PTPRN2: variants seen among roughly 807,000 people sequenced by gnomAD.
The protein encoded by PTPRN2 is protein tyrosine phosphatase receptor type N2, also known as receptor-type tyrosine-protein phosphatase N2.
In PTPRN2, 74 loss-of-function variants were observed where a neutral mutation model predicts 118.8. That is an observed-to-expected ratio of 0.62 (90% CI 0.52 to 0.76). The LOEUF is 0.76. PTPRN2 is among the 30% of genes least tolerant of loss of function. PTPRN2 has a pLI of 0.00. For synonymous variants in PTPRN2, 641 were observed against 608.0 expected (o/e 1.05, Z -0.80); for missense variants, 1,481 against 1,394.4 (o/e 1.06, Z -0.99).
At position 158,521,076 on chromosome 7, in the gene PTPRN2, G is replaced by A. The variant is rs939472564; in HGVS notation, c.113-31291C>T. Reference sequence around the variant, plus strand: ...TCCATGACTTCCCTCTGTGCGAGGCGCTCAGTCCTGCAGACGCAGTGACTT... The same window carrying A: ...TCCATGACTTCCCTCTGTGCGAGGCACTCAGTCCTGCAGACGCAGTGACTT... On this transcript the variant is annotated intron_variant, in intron 1 of 22. Coordinates refer to ENST00000389418, the MANE Select transcript of PTPRN2 (RefSeq NM_002847.5). 3.9e-5 allele frequency among the ~76,000 whole-genome samples: 6 copies of A among 152,232 alleles called. No homozygotes were observed. The East Asian group carries it at 5.8e-4, about 15-fold the overall frequency.
intron 13 of PTPRN2, among the ~76,000 whole-genome samples, chr7:157,673,671 C>A (rs1383676120): frequency 6.8e-6 from 1 of 147,036 alleles, no homozygotes; most frequent in Non-Finnish European, 1.5e-5. Context: ...GCCCCTCTCT[C>A]TCTGAGCTCA....
At chr7:158,147,220 A>C (rs33929312) in intron 6 of PTPRN2, among the ~76,000 whole-genome samples, 3 of 25,660 alleles carry the variant, frequency 1.2e-4, no homozygotes, top group Non-Finnish European at 1.2e-4. Flanking sequence ...TTCCCCCTCA[A>C]TGACACCCCA....
chr7:158,147,482 C>T (rs1214990140), intron 6 of PTPRN2, among the ~76,000 whole-genome samples: 2 of 38,268 alleles, frequency 5.2e-5, no homozygotes, highest in African/African-American at 9.1e-5. Flanking sequence ...GTCTTTCCCC[C>T]TCACTGACAC....
At chr7:157,799,852 C>A (rs1216469129) in intron 12 of PTPRN2, among the ~76,000 whole-genome samples, 2 of 132,616 alleles carry the variant, frequency 1.5e-5, no homozygotes, top group African/African-American at 6.2e-5. Flanking sequence ...TCAGAGGCAC[C>A]ACAGCCGGCC....
intron 14 of PTPRN2, 119 bp from the exon 15 acceptor site, chr7:157,621,628 A>C: frequency 7.6e-7 from 1 of 1,309,914 alleles, no homozygotes; most frequent in African/African-American, 1.5e-5. Flanking sequence ...CTTGCTCACG[A>C]GCCTGGGCCA....
intron 13 of PTPRN2, among the ~76,000 whole-genome samples, chr7:157,669,025 A>C (rs1359478079): frequency 6.6e-6 from 1 of 152,250 alleles, no homozygotes; most frequent in Non-Finnish European, 1.5e-5. Flanking sequence ...CTGGGAGCAG[A>C]GGAGCAGTAA....
intron 17 of PTPRN2, among the ~76,000 whole-genome samples, chr7:157,594,497 T>A (rs181457102): frequency 1.7e-4 from 26 of 152,336 alleles, no homozygotes; most frequent in South Asian, 8.3e-4. Context: ...TTCTGCCGCA[T>A]GGGTGACGCG....
intron 11 of PTPRN2, among the ~76,000 whole-genome samples, chr7:158,066,166 G>A (rs1356042914): frequency 6.6e-6 from 1 of 152,210 alleles, no homozygotes; most frequent in African/African-American, 2.4e-5. Flanking sequence ...GAGGCTCGGA[G>A]GCATCACAAA....
At chr7:158,363,705 C>G (rs1470280099) in intron 2 of PTPRN2, among the ~76,000 whole-genome samples, 1 of 152,290 alleles carries the variant, frequency 6.6e-6, no homozygotes, top group South Asian at 2.1e-4. Flanking sequence ...GCCCCCAGAG[C>G]TCTGAGGTGA....
intron 12 of PTPRN2, chr7:157,864,493 T>C (rs1057106738): frequency 2.6e-4 from 39 of 152,284 alleles, no homozygotes; most frequent in African/African-American, 7.7e-4. Context: ...AGGGGAGGCA[T>C]TGGGGATGAG....
rs117229033 is a variant in PTPRN2 at position 158,145,553 on chromosome 7, G to T, written c.911-7038C>A. On this transcript the variant is annotated intron_variant, in intron 6 of 22. Transcript: ENST00000389418. ...GTGGACCAGGAAGGGAGGAAGAAAT[G>T]GCAACGTGAGCAGAAAGGCCATCAG... is the stretch of plus-strand genomic sequence containing the variant. Among the ~76,000 whole-genome samples the T allele has an allele frequency of 2.9e-3, 440 of 152,326 alleles. 1 individual carries two copies. Among genetic ancestry groups the T allele is most frequent in the South Asian group, 0.026 (125 of 4,826 alleles).
At chr7:158,210,205 G>C (rs1397447276) in intron 3 of PTPRN2, among the ~76,000 whole-genome samples, 1 of 138,356 alleles carries the variant, frequency 7.2e-6, no homozygotes, top group Non-Finnish European at 1.5e-5. Flanking sequence ...GCGCGATCTC[G>C]GCTCACTGCA....
In PTPRN2 at chr7:158,544,032, C is replaced by T. The variant is rs1826143086; in HGVS notation, c.112+43526G>A. Among the ~76,000 whole-genome samples, 2 of 152,200 alleles carry T rather than the reference C, an allele frequency of 1.3e-5. No individual in the cohort carries two copies. Among genetic ancestry groups the T allele is most frequent in the Non-Finnish European group, 2.9e-5 (2 of 68,038 alleles). On this transcript the variant is annotated intron_variant, in intron 1 of 22. Transcript: ENST00000389418. The surrounding 1 kb of genome is among the most constrained non-coding windows in gnomAD (Gnocchi z 4.2). ...CGGGAAAGCTCCTCTGGGCTCTGCC[C>T]CTCTGCACGGCACCAGAGTTGTGCA...
intron 2 of PTPRN2, among the ~76,000 whole-genome samples, chr7:158,319,587 T>TTGTA (rs1802706704): frequency 1.1e-5 from 1 of 92,830 alleles, no homozygotes. Context: ...ACAGCCTCCC[T>TTGTA]CACACACGCA....
At chr7:158,331,081 T>G (rs1257738305) in intron 2 of PTPRN2, among the ~76,000 whole-genome samples, 3 of 134,376 alleles carry the variant, frequency 2.2e-5, no homozygotes, top group African/African-American at 2.8e-5. Context: ...ACTCTCACCA[T>G]AAGAGCTGAT....
At chr7:157,705,989 C>T (rs1226818920) in intron 12 of PTPRN2, among the ~76,000 whole-genome samples, 1 of 152,120 alleles carries the variant, frequency 6.6e-6, no homozygotes, top group African/African-American at 2.4e-5. Context: ...GACCACATCC[C>T]TCCAGAATGC....
Position 157,903,925 on chromosome 7 carries a change from A to G in PTPRN2, c.1724-5188T>C, listed in dbSNP as rs935352381. 3.3e-5 allele frequency among the ~76,000 whole-genome samples: 5 copies of G among 152,182 alleles called. No homozygotes were observed. Among genetic ancestry groups the G allele is most frequent in the African/African-American group, 1.2e-4 (5 of 41,454 alleles). On this transcript the variant is annotated intron_variant, in intron 11 of 22. Coordinates refer to ENST00000389418, the MANE Select transcript of PTPRN2 (RefSeq NM_002847.5). This position sits in a 1 kb window ranked among gnomAD's most constrained non-coding sequence, Gnocchi z 4.2. ...GGGAGCCTCTGAGCCAGCATGGCCC[A>G]GGTCTCAGCACACAGCAAGCGACTA...
chr7:157,691,193 C>T (rs898128190), intron 12 of PTPRN2, among the ~76,000 whole-genome samples: 1 of 151,782 alleles, frequency 6.6e-6, no homozygotes, highest in African/African-American at 2.4e-5. Context: ...ACGCCGAAGC[C>T]AGGGCCTTCG....
At chr7:158,418,751 A>T (rs1815005226) in intron 2 of PTPRN2, among the ~76,000 whole-genome samples, 1 of 151,964 alleles carries the variant, frequency 6.6e-6, no homozygotes, top group Non-Finnish European at 1.5e-5. Flanking sequence ...CTACATCAAG[A>T]TGCTGTAGCT....
Sources: gnomAD v4.1 joint callset for allele counts (sites outside exome capture counted in the v4.1 genomes callset) on GRCh38, gnomAD v4.1.1 for gene constraint, Gnocchi (gnomAD v3.1) non-coding constraint, MANE v1.5 for transcripts, NCBI Gene and HGNC (gene_info 2026-07-23, HGNC 2026-07-21) for gene names.